The following IGSF10 variants were observed in gnomAD, a reference collection of about 807,000 sequenced individuals.
The protein encoded by IGSF10 is immunoglobulin superfamily member 10.
Under a neutral mutation model 128.2 loss-of-function variants are expected in IGSF10, and 126 were observed. The observed-to-expected ratio is 0.98, with a 90% CI of 0.85 to 1.14. IGSF10 has a LOEUF of 1.14. Among genes scored for constraint, IGSF10 ranks in the 50% most tolerant of loss-of-function variants. The probability of loss-of-function intolerance (pLI) is 0.00; values close to 1 mark genes in which losing one functional copy is unlikely to be tolerated. For synonymous variants in IGSF10, 1,185 were observed against 1,146.2 expected, an observed-to-expected ratio of 1.03 and a Z score of -0.68; for missense variants, 3,295 against 3,149.8, an observed-to-expected ratio of 1.05 and a Z score of -1.10.
chr3:151,509,798 G>T, the IGSF10 span, among the ~76,000 whole-genome samples: 1 of 152,188 alleles, frequency 6.6e-6, no homozygotes, highest in African/African-American at 2.4e-5. Flanking sequence ...TTTTCCAATG[G>T]GCTTATCAAA....
At chr3:151,440,212 T>G (rs1720766122) in intron 7 of IGSF10, among the ~76,000 whole-genome samples, 1 of 152,090 alleles carries the variant, frequency 6.6e-6, no homozygotes, top group African/African-American at 2.4e-5. Context: ...TTATTTTTTG[T>G]AGAGACAGGG....
the IGSF10 span, among the ~76,000 whole-genome samples, chr3:151,500,658 T>C: frequency 6.6e-6 from 1 of 152,082 alleles, no homozygotes; most frequent in Non-Finnish European, 1.5e-5. Flanking sequence ...AAATCGAGAC[T>C]CAAAAAAGCA....
the IGSF10 span, among the ~76,000 whole-genome samples, chr3:151,525,430 C>A: frequency 6.6e-6 from 1 of 152,056 alleles, no homozygotes; most frequent in Admixed American, 6.6e-5. Flanking sequence ...ATTTCTATTG[C>A]TGTGTAAGAA....
chr3:151,587,462 T>C, the IGSF10 span, among the ~76,000 whole-genome samples: 1 of 152,216 alleles, frequency 6.6e-6, no homozygotes, highest in Non-Finnish European at 1.5e-5. Context: ...TAGCTAACTT[T>C]TACTACTTGC....
chr3:151,608,333 T>C, the IGSF10 span, among the ~76,000 whole-genome samples: 1 of 152,218 alleles, frequency 6.6e-6, no homozygotes, highest in Non-Finnish European at 1.5e-5. Flanking sequence ...GCAAAGCGGT[T>C]TGCATGGAGC....
At chr3:151,438,712 G>A (rs1720628110) in intron 7 of IGSF10, 115 bp from the exon 8 acceptor site, 1 of 706,890 alleles carries the variant, frequency 1.4e-6, no homozygotes, top group Non-Finnish European at 2.3e-6. Flanking sequence ...AATGAAAATT[G>A]TGTATCTTTG....
rs193019990 is a variant in IGSF10 at position 151,448,262 on chromosome 3, G to C, written c.1719C>G (p.Val573=). 8.1e-6 allele frequency: 13 copies of C among 1,614,030 alleles called. No homozygotes were observed. The highest frequency in any genetic ancestry group is 5.3e-5 in the African/African-American group (4 of 74,920). The stretch of plus-strand genomic sequence containing the variant: ...GAATCCCATTTTCCTGATAGGCTTC[G>C]ACCAAAGGTTCTACCACAGTTATCC... ...TYRITVVEPL[V]EAYQENGIHH... The change falls in exon 6 of 8, where the codon GTC becomes GTG. Residue 573 remains valine (V), a synonymous_variant. Coordinates refer to ENST00000282466, the MANE Select transcript of IGSF10 (RefSeq NM_178822.5).
At position 151,446,887 on chromosome 3, in the gene IGSF10, G is replaced by A. The variant is rs747470146; in HGVS notation, c.3094C>T (p.Arg1032Ter). The change falls in exon 6 of 8, where the codon CGA (arginine) becomes TGA (stop). Residue 1032 changes from arginine to a stop codon, truncating the protein, a stop_gained. Transcript: ENST00000282466. LOFTEE classifies it high-confidence loss of function. ...IISPYRTPVL[R>*]RHRYSIFRST... ...CTGAAAATGCTGTATCTATGCCGTCGCAGAACTGGAGTTCTATATGGGCTG... is the reference window on the plus strand; with the variant it reads ...CTGAAAATGCTGTATCTATGCCGTCACAGAACTGGAGTTCTATATGGGCTG... 18 of 1,614,002 alleles carry A rather than the reference G, an allele frequency of 1.1e-5. No homozygotes were observed. The highest frequency in any genetic ancestry group is 4.5e-5 in the East Asian group (2 of 44,896).
the IGSF10 span, among the ~76,000 whole-genome samples, chr3:151,585,720 C>A: frequency 1.3e-5 from 2 of 151,748 alleles, no homozygotes; most frequent in Non-Finnish European, 2.9e-5. Context: ...TTATTTTTTT[C>A]TAATAAGATA....
chr3:151,493,343 C>G, the IGSF10 span, among the ~76,000 whole-genome samples: 2 of 152,046 alleles, frequency 1.3e-5, no homozygotes, highest in African/African-American at 2.4e-5. Flanking sequence ...ACTATAGTAA[C>G]CATTTTACTA....
At chr3:151,579,655 T>A in the IGSF10 span, among the ~76,000 whole-genome samples, 2 of 151,430 alleles carry the variant, frequency 1.3e-5, no homozygotes, top group Non-Finnish European at 2.9e-5. Context: ...TCATATGGTC[T>A]AATATATGAG....
chr3:151,449,151 A>T lies in IGSF10; in HGVS notation c.830T>A (p.Phe277Tyr). 6.2e-7 allele frequency: 1 copy of T among 1,614,210 alleles called. No homozygotes were observed. The highest frequency in any genetic ancestry group is 8.5e-7 in the Non-Finnish European group (1 of 1,180,042). Residue 277 changes from phenylalanine (F) to tyrosine (Y), a missense_variant, in exon 6 of 8, where the codon TTC becomes TAC. Phe to Tyr is a conservative substitution (Grantham distance 22). Coordinates refer to ENST00000282466, the MANE Select transcript of IGSF10 (RefSeq NM_178822.5). ...KPLAMVSAAA[F>Y]QCAKPTIDSS... ...GTCAATGGTTGGCTTGGCACACTGGAAAGCTGCAGCTGAGACCATAGCTAA... is the reference window on the plus strand; with the variant it reads ...GTCAATGGTTGGCTTGGCACACTGGTAAGCTGCAGCTGAGACCATAGCTAA...
Position 151,437,598 on chromosome 3 carries a change from C to G in IGSF10, c.6963G>C (p.Glu2321Asp), listed in dbSNP as rs1372912962. ...CTTCTAACTGTACTACCAACACGCT[C>G]TCTCCACCTTCATTTCGGGCCACAC... The part of the protein sequence containing the change: ...FICVARNEGG[E>D]SVLVVQLEVL... The change falls in exon 8 of 8, where the codon GAG (glutamate) becomes GAC (aspartate). Residue 2321 changes from glutamate (E) to aspartate (D), a missense_variant. Transcript: ENST00000282466. 5.0e-6 allele frequency: 8 copies of G among 1,614,080 alleles called. No homozygotes were observed. In the East Asian group the frequency reaches 1.8e-4, roughly 36 times the overall value.
chr3:151,552,204 C>T, the IGSF10 span, among the ~76,000 whole-genome samples: 1 of 152,138 alleles, frequency 6.6e-6, no homozygotes, highest in African/African-American at 2.4e-5. Context: ...GCTTACTTCC[C>T]CTATGCCTTC....
the IGSF10 span, among the ~76,000 whole-genome samples, chr3:151,618,158 G>A: frequency 6.6e-6 from 1 of 152,036 alleles, no homozygotes; most frequent in Admixed American, 6.5e-5. Context: ...ACACAAGAGA[G>A]ATGATCTCTC....
In IGSF10 at chr3:151,437,110, A is replaced by G. The variant is rs1372248340; in HGVS notation, c.7451T>C (p.Ile2484Thr). 4 of 1,614,186 alleles carry G rather than the reference A, an allele frequency of 2.5e-6. No individual in the cohort carries two copies. The highest frequency in any genetic ancestry group is 3.4e-6 in the Non-Finnish European group (4 of 1,180,022). Residue 2484 changes from isoleucine (I) to threonine (T), a missense_variant, in exon 8 of 8, where the codon ATA becomes ACA. Coordinates refer to ENST00000282466, the MANE Select transcript of IGSF10 (RefSeq NM_178822.5). Reference sequence around the variant, plus strand: ...GACTAAGGTGCCATTGTCATGCAATATGTATTTCCCATTAATTTGAGGCCT... The same window carrying G: ...GACTAAGGTGCCATTGTCATGCAATGTGTATTTCCCATTAATTTGAGGCCT... ...VDRPQINGKYILHDNGTLVIK... is the reference protein window; with the variant it reads ...VDRPQINGKYTLHDNGTLVIK...
chr3:151,448,457 A>G lies in IGSF10; in HGVS notation c.1524T>C (p.Asp508=). ...CTTTACTTCCATCAGCTAGAAGCCA[A>G]TCCACGTGTGGGGTGGGGTCTCCTT... ...PGQGDPTPHV[D]WLLADGSKVR... is the part of the protein sequence containing the mutation. The change falls in exon 6 of 8, where the codon GAT becomes GAC. Residue 508 remains aspartate, a synonymous_variant. Transcript: ENST00000282466. 4 of 1,614,196 alleles carry G rather than the reference A, an allele frequency of 2.5e-6. No homozygotes were observed. In the African/African-American group the frequency reaches 4.0e-5, roughly 16 times the overall value.
At chr3:151,512,851 C>T in the IGSF10 span, among the ~76,000 whole-genome samples, 8 of 152,268 alleles carry the variant, frequency 5.3e-5, no homozygotes, top group Admixed American at 5.2e-4. Flanking sequence ...TGCAAATAAA[C>T]TACAAAATCT....
the IGSF10 span, among the ~76,000 whole-genome samples, chr3:151,491,405 C>T: frequency 2.0e-5 from 3 of 151,922 alleles, no homozygotes; most frequent in Non-Finnish European, 2.9e-5. Context: ...GATGAGACCC[C>T]GTCTCTACTA....
Sources: gnomAD v4.1 joint callset for allele counts (sites outside exome capture counted in the v4.1 genomes callset) on GRCh38, gnomAD v4.1.1 for gene constraint, MANE v1.5 for transcripts, NCBI Gene and HGNC (gene_info 2026-07-23, HGNC 2026-07-21) for gene names.